Variants in ANK2 observed in about 807,000 individuals in gnomAD.
The protein encoded by ANK2 is ankyrin-2.
ANK2 carries 83 observed loss-of-function variants against 360.5 expected under a neutral mutation model. The ratio of observed to expected loss-of-function variants is 0.23; its 90% CI spans 0.19 to 0.28. ANK2 has a LOEUF of 0.28. Among genes scored for constraint, ANK2 ranks in the 10% least tolerant of loss-of-function variants. The probability of loss-of-function intolerance (pLI) is 1.00; values close to 1 mark genes in which losing one functional copy is unlikely to be tolerated. For missense variants in ANK2, 4,201 were observed against 4,795.7 expected (o/e 0.88, Z 3.66); for synonymous variants, 1,740 against 1,759.5 (o/e 0.99, Z 0.28).
At position 112,996,020 on chromosome 4, in the gene ANK2, A is replaced by G. The variant is rs188988170; in HGVS notation, c.21+91506A>G. Among the ~76,000 whole-genome samples the G allele has an allele frequency of 8.1e-4, 124 of 152,344 alleles. 1 individual carries two copies. Among genetic ancestry groups the G allele is most frequent in the African/African-American group, 2.6e-3 (109 of 41,592 alleles). ...AGCATAAACCCATGCAAAGACTTCT[A>G]TGCAGATACTTATAGCAACTTTATT... On this transcript the variant is annotated intron_variant, in intron 2 of 30. Coordinates refer to the ANK2 transcript ENST00000503271.
At chr4:113,272,389 T>C (rs29402) in intron 14 of ANK2, among the ~76,000 whole-genome samples, 16,955 of 152,234 alleles carry the variant, frequency 0.11, 1,606 homozygotes, top group African/African-American at 0.25. Context: ...GAATCTTTTC[T>C]TCTGCACTTC....
At chr4:112,709,141 T>G in the ANK2 span, among the ~76,000 whole-genome samples, 2 of 152,222 alleles carry the variant, frequency 1.3e-5, no homozygotes, top group Non-Finnish European at 2.9e-5. Flanking sequence ...ATTTCCCTTT[T>G]TTTCTTCTTC....
rs189211402 is a variant in ANK2 at position 113,130,005 on chromosome 4, T to C, written c.85-44411T>C. Among the ~76,000 whole-genome samples, 69 of 152,326 alleles carry C rather than the reference T, an allele frequency of 4.5e-4. 1 individual carries two copies. On this transcript the variant is annotated intron_variant, in intron 1 of 45. Coordinates refer to ENST00000357077, the MANE Select transcript of ANK2 (RefSeq NM_001148.6). ...GAATTACTTAGATAACTGTCTCTTC[T>C]TCCACTTCTTTTTGCAACTAAGACA...
At chr4:112,725,286 C>CAA in the ANK2 span, among the ~76,000 whole-genome samples, 12 of 42,148 alleles carry the variant, frequency 2.8e-4, no homozygotes, top group East Asian at 1.5e-3. Context: ...TGTCTCCAGA[C>CAA]AAAAAAAAAA....
intron 2 of ANK2, among the ~76,000 whole-genome samples, chr4:112,973,503 C>T (rs537622861): frequency 5.9e-5 from 9 of 152,324 alleles, no homozygotes; most frequent in African/African-American, 1.7e-4. Context: ...GCTGTCTGTT[C>T]TCTCTTTACT....
At chr4:113,194,309 C>T (rs2098716497) in intron 2 of ANK2, among the ~76,000 whole-genome samples, 1 of 152,146 alleles carries the variant, frequency 6.6e-6, no homozygotes, top group Non-Finnish European at 1.5e-5. Context: ...CAAATGGACT[C>T]CTCTGTGGTT....
At chr4:113,306,868 T>G (rs969065903) in intron 23 of ANK2, among the ~76,000 whole-genome samples, 16 of 152,198 alleles carry the variant, frequency 1.1e-4, no homozygotes, top group African/African-American at 3.6e-4. Context: ...TGGAGGAATA[T>G]GGCAGCGAAA....
Position 113,357,602 on chromosome 4 carries a change from T to C in ANK2, c.8984T>C (p.Met2995Thr). The part of the protein sequence containing the change: ...ESNFEGQDIK[M>T]ESQQESTLWE... ...AATTTTGAGGGCCAGGACATAAAAA[T>C]GGAATCCCAACAGGAAAGTACCTTG... The change falls in exon 38 of 46, where the codon ATG becomes ACG. Residue 2995 changes from methionine to threonine, a missense_variant. Transcript: ENST00000357077. 1.2e-6 allele frequency: 2 copies of C among 1,614,096 alleles called. No homozygotes were observed. Among genetic ancestry groups the C allele is most frequent in the Non-Finnish European group, 1.7e-6 (2 of 1,179,966 alleles).
chr4:113,005,733 T>C (rs1405977857), intron 2 of ANK2, among the ~76,000 whole-genome samples: 1 of 152,120 alleles, frequency 6.6e-6, no homozygotes, highest in African/African-American at 2.4e-5. Flanking sequence ...TGAAATGTGA[T>C]CTGCAGTGTT....
intron 1 of ANK2, among the ~76,000 whole-genome samples, chr4:113,161,804 G>A (rs576428645): frequency 6.6e-6 from 1 of 151,954 alleles, no homozygotes; most frequent in South Asian, 2.1e-4. Context: ...ATATGTTGAT[G>A]GGTCAGCATT....
chr4:113,365,615 T>G (rs189592956), intron 41 of ANK2, among the ~76,000 whole-genome samples: 10 of 152,072 alleles, frequency 6.6e-5, no homozygotes, highest in African/African-American at 2.4e-4. Flanking sequence ...TACCACCTTT[T>G]CAGTGTTAAA....
At chr4:113,326,318 C>T (rs2153896344) in intron 26 of ANK2, among the ~76,000 whole-genome samples, 1 of 152,214 alleles carries the variant, frequency 6.6e-6, no homozygotes, top group Non-Finnish European at 1.5e-5. Flanking sequence ...TACCTATTGT[C>T]AATAGACTTT....
intron 1 of ANK2, among the ~76,000 whole-genome samples, chr4:112,887,111 A>C (rs2078638295): frequency 6.6e-6 from 1 of 152,178 alleles, no homozygotes; most frequent in Admixed American, 6.5e-5. Context: ...CTCCTGTGAT[A>C]CCTAATTATA....
At chr4:112,808,657 A>G in the ANK2 span, among the ~76,000 whole-genome samples, 2 of 152,152 alleles carry the variant, frequency 1.3e-5, no homozygotes, top group Non-Finnish European at 2.9e-5. Context: ...TCCAAAAATC[A>G]CCTAGAAAAA....
At chr4:113,265,126 A>C in intron 14 of ANK2, 131 bp downstream of exon 14, 1 of 864,710 alleles carries the variant, frequency 1.2e-6, no homozygotes, top group Non-Finnish European at 1.8e-6. Flanking sequence ...ATTCAATAGC[A>C]GTTTTCCAGA....
chr4:112,728,953 TC>T, the ANK2 span, among the ~76,000 whole-genome samples: 2 of 152,108 alleles, frequency 1.3e-5, no homozygotes, highest in Non-Finnish European at 2.9e-5. Flanking sequence ...ACACCTGTGG[TC>T]CCAGCTACTC....
intron 1 of ANK2, among the ~76,000 whole-genome samples, chr4:113,128,548 G>A (rs923722065): frequency 3.3e-5 from 5 of 152,188 alleles, no homozygotes; most frequent in African/African-American, 1.2e-4. Context: ...GGAGTGCAGT[G>A]GCGCGATCTC....
At chr4:113,131,025 C>T (rs2095993300) in intron 1 of ANK2, among the ~76,000 whole-genome samples, 4 of 152,126 alleles carry the variant, frequency 2.6e-5, no homozygotes, top group South Asian at 2.1e-4. Context: ...TTCCCTTGTA[C>T]CATTTCTATT....
At chr4:113,130,928 T>C (rs770904559) in intron 1 of ANK2, among the ~76,000 whole-genome samples, 2 of 152,198 alleles carry the variant, frequency 1.3e-5, no homozygotes, top group Non-Finnish European at 2.9e-5. Context: ...CAGAGCTTTG[T>C]GCTATTTTCA....
Sources: gnomAD v4.1 joint callset for allele counts (sites outside exome capture counted in the v4.1 genomes callset) on GRCh38, gnomAD v4.1.1 for gene constraint, MANE v1.5 for transcripts, NCBI Gene and HGNC (gene_info 2026-07-23, HGNC 2026-07-21) for gene names.